GABBR2: variants seen among roughly 807,000 people sequenced by gnomAD.
GABBR2 encodes gamma-aminobutyric acid type B receptor subunit 2.
In GABBR2, 23 loss-of-function variants were observed where a neutral mutation model predicts 105.6. The observed-to-expected ratio is 0.22, with a 90% confidence interval of 0.16 to 0.31. The LOEUF (loss-of-function observed/expected upper bound fraction) is 0.31, where lower values mean the gene tolerates loss of function less well. GABBR2 is among the 10% of genes least tolerant of loss of function. GABBR2 has a pLI of 1.00. For synonymous variants in GABBR2, 478 were observed against 499.7 expected (o/e 0.96, Z 0.58); for missense variants, 734 against 1,245.5 (o/e 0.59, Z 6.18).
intron 1 of GABBR2, among the ~76,000 whole-genome samples, chr9:98,609,532 C>T (rs1829476213): frequency 6.6e-6 from 1 of 152,172 alleles, no homozygotes; most frequent in African/African-American, 2.4e-5. Context: ...AGCACCTAAC[C>T]CCTCCCAGCT....
chr9:98,533,859 A>C (rs1828118439), intron 3 of GABBR2, among the ~76,000 whole-genome samples: 1 of 152,226 alleles, frequency 6.6e-6, no homozygotes, highest in Non-Finnish European at 1.5e-5. Flanking sequence ...AAGTGACTGC[A>C]GGTGAGACAG....
At chr9:98,552,342 T>G (rs1463867731) in intron 2 of GABBR2, among the ~76,000 whole-genome samples, 7 of 152,208 alleles carry the variant, frequency 4.6e-5, no homozygotes, top group Admixed American at 4.6e-4. Context: ...CTTTGCTGAC[T>G]GTTTCTGTAA....
chr9:98,566,631 T>C (rs1186363), intron 2 of GABBR2, among the ~76,000 whole-genome samples: 51,813 of 151,528 alleles, frequency 0.34, 9,754 homozygotes, highest in East Asian at 0.62. Context: ...GCCGAGATTG[T>C]GCCACTGCAC....
chr9:98,460,445 A>G (rs1826404070), intron 6 of GABBR2, among the ~76,000 whole-genome samples: 1 of 152,224 alleles, frequency 6.6e-6, no homozygotes, highest in Non-Finnish European at 1.5e-5. Context: ...GCAGAATGTC[A>G]TCAGAGAACT....
rs1831918807 is a variant in GABBR2, at chr9:98,378,587, C to T, written c.1663-7016G>A. On this transcript the variant is annotated intron_variant, in intron 11 of 18. Transcript: ENST00000259455. ...TTCCAAGTGCGGTCTGGGGATGTGG[C>T]ATCAGCATCCCCTGAGAGTGTGTCA... 2.6e-5 allele frequency among the ~76,000 whole-genome samples: 4 copies of T among 152,304 alleles called. No homozygotes were observed. The Middle Eastern group carries it at 0.01, about 389-fold the overall frequency.
chr9:98,655,816 T>C (rs1830174094), intron 1 of GABBR2, among the ~76,000 whole-genome samples: 1 of 150,912 alleles, frequency 6.6e-6, no homozygotes, highest in South Asian at 2.1e-4. Context: ...GAGGGGAACA[T>C]CACACACTGG....
intron 1 of GABBR2, chr9:98,607,548 C>A: frequency 1.6e-6 from 1 of 639,792 alleles, no homozygotes; most frequent in Non-Finnish European, 2.8e-6. Context: ...AGATAAAGGA[C>A]CATTTACCTG....
At chr9:98,432,286 C>T (rs891033044) in intron 7 of GABBR2, among the ~76,000 whole-genome samples, 11 of 152,094 alleles carry the variant, frequency 7.2e-5, no homozygotes, top group Middle Eastern at 3.4e-3. Context: ...AATGAATGAG[C>T]GGCAGAGGGG....
intron 2 of GABBR2, 90 bp downstream of exon 2, chr9:98,577,845 G>A (rs1828942313): frequency 1.5e-6 from 2 of 1,326,272 alleles, no homozygotes; most frequent in Non-Finnish European, 1.0e-6. Context: ...AGGCAACATA[G>A]AAACCACATT....
intron 1 of GABBR2, among the ~76,000 whole-genome samples, chr9:98,704,983 G>T (rs939323094): frequency 2.6e-5 from 4 of 151,246 alleles, no homozygotes; most frequent in Non-Finnish European, 5.9e-5. Flanking sequence ...TTGTCTCTCA[G>T]ATTTTTTAGA....
chr9:98,572,979 G>A (rs1588234006), intron 2 of GABBR2, among the ~76,000 whole-genome samples: 1 of 152,324 alleles, frequency 6.6e-6, no homozygotes, highest in African/African-American at 2.4e-5. Flanking sequence ...AGGAGCCTGG[G>A]AAAATGCAGA....
At chr9:98,472,635 T>A (rs75838974) in intron 6 of GABBR2, among the ~76,000 whole-genome samples, 1 of 152,074 alleles carries the variant, frequency 6.6e-6, no homozygotes, top group African/African-American at 2.4e-5. Flanking sequence ...AAAATATATA[T>A]CCACACAGAT....
chr9:98,503,275 G>C (rs1033935829), intron 3 of GABBR2, among the ~76,000 whole-genome samples: 2 of 152,174 alleles, frequency 1.3e-5, no homozygotes, highest in Non-Finnish European at 2.9e-5. Flanking sequence ...TTAATGCAGA[G>C]CCTAAAGCAG....
chr9:98,409,984 A>T (rs1832557171), intron 7 of GABBR2, among the ~76,000 whole-genome samples: 1 of 152,182 alleles, frequency 6.6e-6, no homozygotes, highest in Admixed American at 6.5e-5. Context: ...TGCCACCTGA[A>T]GGAGCTGAGC....
At chr9:98,485,481 G>A (rs1457540014) in intron 4 of GABBR2, among the ~76,000 whole-genome samples, 1 of 150,026 alleles carries the variant, frequency 6.7e-6, no homozygotes, top group Non-Finnish European at 1.5e-5. Flanking sequence ...CTTAAAGAGA[G>A]CTAAACACAC....
chr9:98,682,251 A>C (rs542907521), intron 1 of GABBR2, among the ~76,000 whole-genome samples: 7 of 151,818 alleles, frequency 4.6e-5, no homozygotes, highest in East Asian at 3.9e-4. Flanking sequence ...CAAAACAAAA[A>C]AAAACCCAAA....
intron 1 of GABBR2, among the ~76,000 whole-genome samples, chr9:98,671,355 A>G (rs1830405012): frequency 6.6e-6 from 1 of 152,194 alleles, no homozygotes; most frequent in Admixed American, 6.5e-5. Context: ...GCAAGCAGTT[A>G]TCTATTTTAT....
intron 13 of GABBR2, among the ~76,000 whole-genome samples, chr9:98,314,999 C>T (rs554647746): frequency 2.7e-4 from 41 of 152,274 alleles, no homozygotes; most frequent in African/African-American, 9.9e-4. Context: ...TCAGGTTGGA[C>T]CAAGACCCAT....
At chr9:98,467,941 G>A (rs191444729) in intron 6 of GABBR2, among the ~76,000 whole-genome samples, 7 of 152,316 alleles carry the variant, frequency 4.6e-5, no homozygotes, top group East Asian at 1.9e-4. Flanking sequence ...GAAACAAAAC[G>A]AACAGGACTT....
Sources: allele counts gnomAD v4.1 joint callset (sites outside exome capture counted in the v4.1 genomes callset), GRCh38; gene constraint gnomAD v4.1.1; transcripts MANE v1.5; gene names NCBI Gene and HGNC (gene_info 2026-07-23, HGNC 2026-07-21).